Variants in LOC122539214 observed in about 807,000 individuals in gnomAD.
the LOC122539214 span, among the ~76,000 whole-genome samples, chr19:52,669,044 AT>A: frequency 0.082 from 12,437 of 152,192 alleles, 550 homozygotes; most frequent in Non-Finnish European, 0.11. Flanking sequence ...AGAGCTTAAA[AT>A]TTTTCAAAAG....
At chr19:52,687,656 T>TG in the LOC122539214 span, among the ~76,000 whole-genome samples, 5 of 18,682 alleles carry the variant, frequency 2.7e-4, no homozygotes, top group African/African-American at 4.4e-3. Context: ...TATATATATA[T>TG]AATGTATATA....
the LOC122539214 span, among the ~76,000 whole-genome samples, chr19:52,688,846 C>T: frequency 6.6e-6 from 1 of 151,896 alleles, no homozygotes; most frequent in Admixed American, 6.6e-5. Flanking sequence ...TTTCCTCTGC[C>T]TGTCAAGCTC....
At chr19:52,676,909 A>G in the LOC122539214 span, among the ~76,000 whole-genome samples, 22 of 137,662 alleles carry the variant, frequency 1.6e-4, no homozygotes, top group Admixed American at 3.0e-4. Flanking sequence ...GTGCTTTGTT[A>G]AACAGATGCT....
At chr19:52,656,328 C>T in the LOC122539214 span, among the ~76,000 whole-genome samples, 1 of 151,700 alleles carries the variant, frequency 6.6e-6, no homozygotes, top group Admixed American at 6.6e-5. Flanking sequence ...TTGAGACCAA[C>T]CTGGGCTACA....
the LOC122539214 span, among the ~76,000 whole-genome samples, chr19:52,690,077 A>G: frequency 6.6e-6 from 1 of 151,916 alleles, no homozygotes; most frequent in Non-Finnish European, 1.5e-5. Context: ...GCTGCGCTTC[A>G]GAGGCCGACA....
chr19:52,684,625 C>T, the LOC122539214 span, among the ~76,000 whole-genome samples: 11 of 149,434 alleles, frequency 7.4e-5, no homozygotes, highest in Admixed American at 3.3e-4. Flanking sequence ...ACCTGAGTAA[C>T]GTGATAGAGA....
At chr19:52,675,958 G>A in the LOC122539214 span, among the ~76,000 whole-genome samples, 2 of 152,116 alleles carry the variant, frequency 1.3e-5, no homozygotes, top group African/African-American at 2.4e-5. Context: ...TTGGGAGGCC[G>A]ATGCAGGCAG....
At chr19:52,672,438 T>C in the LOC122539214 span, among the ~76,000 whole-genome samples, 8 of 152,154 alleles carry the variant, frequency 5.3e-5, no homozygotes, top group Non-Finnish European at 1.2e-4. Context: ...ATATCTAGAA[T>C]ATTAGCAAGT....
chr19:52,687,616 G>A, the LOC122539214 span, among the ~76,000 whole-genome samples: 81 of 15,806 alleles, frequency 5.1e-3, 19 homozygotes, highest in African/African-American at 0.035. Context: ...TATATAATGT[G>A]TATATATATA....
chr19:52,655,495 CA>C, the LOC122539214 span: 6 of 1,368,698 alleles, frequency 4.4e-6, no homozygotes, highest in Non-Finnish European at 5.1e-6. Flanking sequence ...AAAGAGAATA[CA>C]AAACCAGGAA....
chr19:52,688,296 G>C, the LOC122539214 span, among the ~76,000 whole-genome samples: 1 of 151,630 alleles, frequency 6.6e-6, no homozygotes, highest in South Asian at 2.1e-4. Context: ...TTGGCCTCCA[G>C]AGTAGCTGGG....
the LOC122539214 span, among the ~76,000 whole-genome samples, chr19:52,685,689 G>A: frequency 6.6e-6 from 1 of 151,984 alleles, no homozygotes; most frequent in South Asian, 2.1e-4. Flanking sequence ...CTGAGGTCAG[G>A]AGCTCGAGAC....
chr19:52,671,348 T>G, the LOC122539214 span, among the ~76,000 whole-genome samples: 2 of 152,202 alleles, frequency 1.3e-5, no homozygotes, highest in Non-Finnish European at 2.9e-5. Context: ...CAACATAATA[T>G]GCTAACATCA....
chr19:52,657,308 T>A, the LOC122539214 span, among the ~76,000 whole-genome samples: 1 of 152,012 alleles, frequency 6.6e-6, no homozygotes, highest in Non-Finnish European at 1.5e-5. Flanking sequence ...TCAGAATACA[T>A]TATGTAAATT....
the LOC122539214 span, chr19:52,652,566 C>A: frequency 6.9e-6 from 3 of 434,254 alleles, no homozygotes; most frequent in South Asian, 1.8e-5. Flanking sequence ...TGTAACGTTT[C>A]TTTCCAGTAT....
the LOC122539214 span, among the ~76,000 whole-genome samples, chr19:52,667,773 G>A: frequency 6.6e-6 from 1 of 152,114 alleles, no homozygotes; most frequent in African/African-American, 2.4e-5. Context: ...AGGTTAAAGA[G>A]TCTATAAAAA....
the LOC122539214 span, among the ~76,000 whole-genome samples, chr19:52,662,351 C>T: frequency 1.3e-5 from 2 of 152,158 alleles, no homozygotes; most frequent in Middle Eastern, 3.4e-3. Flanking sequence ...TTTGGAGACG[C>T]CTGTTTAATA....
At chr19:52,687,584 A>ATATATATATAATGTATATATATAATG in the LOC122539214 span, among the ~76,000 whole-genome samples, 2 of 37,330 alleles carry the variant, frequency 5.4e-5, no homozygotes, top group African/African-American at 5.5e-4. Context: ...AATTTTATAT[A>ATATATATATAATGTATATATATAATG]TATATATATA....
At chr19:52,676,516 G>A in the LOC122539214 span, among the ~76,000 whole-genome samples, 1 of 150,962 alleles carries the variant, frequency 6.6e-6, no homozygotes, top group African/African-American at 2.4e-5. Flanking sequence ...GGCAGCCCCC[G>A]CCCGGCCAGC....
Sources: allele counts gnomAD v4.1 joint callset (sites outside exome capture counted in the v4.1 genomes callset), GRCh38; gene constraint gnomAD v4.1.1; transcripts MANE v1.5.